Variants in WWC2 observed in about 807,000 individuals in gnomAD.
The protein encoded by WWC2 is WW and C2 domain containing 2.
Under a neutral mutation model 138.5 loss-of-function variants are expected in WWC2, and 101 were observed. The observed-to-expected ratio is 0.73, with a 90% CI of 0.62 to 0.86. The LOEUF is 0.86. WWC2 is among the 40% of genes least tolerant of loss of function. The probability of loss-of-function intolerance (pLI) is 0.00; values close to 1 mark genes in which losing one functional copy is unlikely to be tolerated. For missense variants in WWC2, 1,420 were observed against 1,419.4 expected, an observed-to-expected ratio of 1.00 and a Z score of -0.01; for synonymous variants, 558 against 538.4, an observed-to-expected ratio of 1.04 and a Z score of -0.50.
Position 183,268,925 on chromosome 4 carries a change from A to G in WWC2, c.2208-46A>G, listed in dbSNP as rs758615605. On this transcript the variant is annotated intron_variant, in intron 14 of 22. Coordinates refer to ENST00000403733, the MANE Select transcript of WWC2 (RefSeq NM_024949.6). ...TTCAAATGATAGCTGTGAATCTGGTATAATTAAAGTACCTATGAAATCCAT... is the reference window on the plus strand; with the variant it reads ...TTCAAATGATAGCTGTGAATCTGGTGTAATTAAAGTACCTATGAAATCCAT... The G allele has an allele frequency of 2.2e-5, 33 of 1,518,322 alleles. No homozygotes were observed. In the African/African-American group the frequency reaches 4.0e-4, roughly 18 times the overall value. 94.1% of individuals were successfully genotyped at this position (1,518,322 alleles called of 1,614,324 possible).
chr4:183,225,413 A>G (rs1580077078), intron 4 of WWC2, among the ~76,000 whole-genome samples: 1 of 152,246 alleles, frequency 6.6e-6, no homozygotes, highest in East Asian at 1.9e-4. Flanking sequence ...CTCTTTGCCC[A>G]TGTTAAAAGA....
At chr4:183,112,658 G>A (rs143898924) in intron 1 of WWC2, among the ~76,000 whole-genome samples, 1 of 152,250 alleles carries the variant, frequency 6.6e-6, no homozygotes, top group African/African-American at 2.4e-5. Context: ...CTGTTTTCAT[G>A]GATTTTATAT....
At chr4:183,268,666 G>A (rs937285464) in intron 14 of WWC2, among the ~76,000 whole-genome samples, 5 of 152,144 alleles carry the variant, frequency 3.3e-5, no homozygotes, top group Non-Finnish European at 7.3e-5. Context: ...GGGCAGGTGG[G>A]ACGTTAAATT....
intron 1 of WWC2, among the ~76,000 whole-genome samples, chr4:183,102,179 T>C (rs1305846338): frequency 2.0e-5 from 3 of 152,192 alleles, no homozygotes; most frequent in African/African-American, 7.2e-5. Flanking sequence ...TAAGTTTACG[T>C]GAGTTTCTGA....
intron 1 of WWC2, among the ~76,000 whole-genome samples, chr4:183,140,234 T>G (rs1469654336): frequency 2.0e-5 from 3 of 152,202 alleles, no homozygotes; most frequent in Admixed American, 2.0e-4. Flanking sequence ...GAATGTACAG[T>G]GGGGAGGAAG....
intron 4 of WWC2, among the ~76,000 whole-genome samples, chr4:183,233,419 AG>A (rs1316839194): frequency 6.6e-6 from 1 of 151,878 alleles, no homozygotes. Flanking sequence ...CGCCTCCCAA[AG>A]TGCTGGGATT....
chr4:183,273,374 G>A (rs550011430), intron 16 of WWC2, among the ~76,000 whole-genome samples: 40 of 151,814 alleles, frequency 2.6e-4, no homozygotes, highest in African/African-American at 8.9e-4. Context: ...GCATAATCTC[G>A]GCTAACCACA....
At chr4:183,119,946 A>G (rs1023812351) in intron 1 of WWC2, among the ~76,000 whole-genome samples, 6 of 152,230 alleles carry the variant, frequency 3.9e-5, no homozygotes, top group African/African-American at 1.4e-4. Flanking sequence ...ATTCTTAAAC[A>G]GTTCATTCAC....
intron 3 of WWC2, among the ~76,000 whole-genome samples, 179 bp from the exon 4 acceptor site, chr4:183,208,770 A>T (rs1332554254): frequency 2.0e-5 from 3 of 152,212 alleles, no homozygotes; most frequent in African/African-American, 7.2e-5. Flanking sequence ...GTTAAAAAAA[A>T]TGGTAGAGGT....
intron 4 of WWC2, chr4:183,233,956 G>T (rs1736337332): frequency 6.6e-6 from 1 of 152,160 alleles, no homozygotes; most frequent in African/African-American, 2.4e-5. Flanking sequence ...AAAAGGGAAG[G>T]CAGTCATTAG....
intron 1 of WWC2, among the ~76,000 whole-genome samples, chr4:183,186,121 G>A (rs886243504): frequency 2.6e-5 from 4 of 151,758 alleles, no homozygotes; most frequent in African/African-American, 9.7e-5. Flanking sequence ...CTAATTTTTT[G>A]TATTTTTAGT....
chr4:183,208,557 T>G (rs1735507985), intron 3 of WWC2, among the ~76,000 whole-genome samples: 1 of 152,204 alleles, frequency 6.6e-6, no homozygotes, highest in Admixed American at 6.5e-5. Context: ...TACTGCTCCC[T>G]CATCTCACAG....
chr4:183,114,253 T>C (rs1732342278), intron 1 of WWC2, among the ~76,000 whole-genome samples: 1 of 152,154 alleles, frequency 6.6e-6, no homozygotes, highest in Non-Finnish European at 1.5e-5. Flanking sequence ...CCTTCTACCT[T>C]AATTGTAAGC....
chr4:183,099,532 G>T lies in WWC2; in HGVS notation c.41G>T (p.Arg14Leu), dbSNP rs1342173569. 3.6e-6 allele frequency: 5 copies of T among 1,401,202 alleles called. No homozygotes were observed. Among genetic ancestry groups the T allele is most frequent in the Middle Eastern group, 1.9e-4 (1 of 5,270 alleles). The allele number at this position is 1,401,202 out of a possible 1,614,324, so 86.8% of individuals were successfully genotyped here. Reference protein sequence around the residue: ...RAGSGQLPLPRGWEEARDYDG... With the variant: ...RAGSGQLPLPLGWEEARDYDG... ...GGGAGCGGTCAGCTGCCGCTGCCCC[G>T]GGGCTGGGAGGAGGCCAGGGACTAC... The change falls in exon 1 of 23, where the codon CGG becomes CTG. Residue 14 changes from arginine to leucine, a missense_variant. Physicochemically the swap from Arg to Leu is moderately radical, Grantham distance 102 (BLOSUM62 -2). Coordinates refer to ENST00000403733, the MANE Select transcript of WWC2 (RefSeq NM_024949.6).
At chr4:183,226,897 G>A (rs1355497) in intron 4 of WWC2, among the ~76,000 whole-genome samples, 152,124 of 152,156 alleles carry the variant, frequency 1, 76,046 homozygotes, top group Non-Finnish European at 1. Context: ...ACTGTACACC[G>A]GGTTCAGAAC....
At chr4:183,135,835 T>C (rs111447511) in intron 1 of WWC2, among the ~76,000 whole-genome samples, 116 of 152,346 alleles carry the variant, frequency 7.6e-4, no homozygotes, top group Non-Finnish European at 9.6e-4. Flanking sequence ...TATTGAGTTA[T>C]AGGCTGACAG....
intron 1 of WWC2, among the ~76,000 whole-genome samples, chr4:183,167,272 AC>A (rs1421879267): frequency 6.6e-6 from 1 of 152,194 alleles, no homozygotes; most frequent in Non-Finnish European, 1.5e-5. Flanking sequence ...TTTATTGAGA[AC>A]CTACCGTATG....
chr4:183,173,772 T>G (rs1449356162), intron 1 of WWC2, among the ~76,000 whole-genome samples: 2 of 152,092 alleles, frequency 1.3e-5, no homozygotes, highest in East Asian at 3.9e-4. Context: ...TGGACTTGGC[T>G]TGAATGGGAA....
At chr4:183,162,060 A>T (rs1310081402) in intron 1 of WWC2, among the ~76,000 whole-genome samples, 1 of 152,218 alleles carries the variant, frequency 6.6e-6, no homozygotes, top group African/African-American at 2.4e-5. Flanking sequence ...GAAAGTACAA[A>T]GGAAAAATTG....
Sources: gnomAD v4.1 joint callset for allele counts (sites outside exome capture counted in the v4.1 genomes callset) on GRCh38, gnomAD v4.1.1 for gene constraint, MANE v1.5 for transcripts, NCBI Gene and HGNC (gene_info 2026-07-23, HGNC 2026-07-21) for gene names.